The following TPH2 variants were observed in gnomAD, a reference collection of about 807,000 sequenced individuals.
The protein encoded by TPH2 is tryptophan 5-hydroxylase 2.
A neutral mutation model predicts 59.1 loss-of-function variants in TPH2; 27 were observed. The observed-to-expected ratio is 0.46, with a 90% confidence interval of 0.34 to 0.63. The LOEUF is 0.63. Ranked by LOEUF, TPH2 falls within the 30% of genes least tolerant of loss-of-function variation. The pLI is 0.01. For synonymous variants in TPH2, 220 were observed against 210.5 expected (o/e 1.05, Z -0.39); for missense variants, 523 against 588.3 (o/e 0.89, Z 1.15).
chr12:71,941,417 C>A, intron 1 of TPH2, 167 bp from the exon 2 acceptor site: 1 of 302,984 alleles, frequency 3.3e-6, no homozygotes, highest in Non-Finnish European at 4.8e-6. Context: ...TAAATTAGAC[C>A]AATATTTATG....
intron 10 of TPH2, 55 bp from the exon 11 acceptor site, chr12:72,031,466 C>T (rs1873719747): frequency 6.2e-7 from 1 of 1,612,678 alleles, no homozygotes; most frequent in Non-Finnish European, 8.5e-7. Flanking sequence ...TTTTATCTAT[C>T]CCTCGTACCA....
At chr12:71,965,952 A>G (rs1592390229) in intron 5 of TPH2, among the ~76,000 whole-genome samples, 2 of 152,302 alleles carry the variant, frequency 1.3e-5, no homozygotes, top group East Asian at 3.9e-4. Context: ...TGGGTTTTAC[A>G]TTTAGGTCTT....
intron 7 of TPH2, among the ~76,000 whole-genome samples, chr12:71,981,084 C>T (rs888137488): frequency 2.6e-5 from 4 of 152,072 alleles, no homozygotes; most frequent in Admixed American, 6.5e-5. Flanking sequence ...TTTCAGAGAA[C>T]GTATAACCTG....
chr12:72,015,473 C>T (rs1873218552), intron 8 of TPH2, among the ~76,000 whole-genome samples: 1 of 151,886 alleles, frequency 6.6e-6, no homozygotes, highest in Non-Finnish European at 1.5e-5. Flanking sequence ...GTGCCCACCA[C>T]CACGCCCAGC....
chr12:72,011,228 C>T (rs1873091614), intron 8 of TPH2, among the ~76,000 whole-genome samples: 1 of 152,178 alleles, frequency 6.6e-6, no homozygotes, highest in African/African-American at 2.4e-5. Context: ...CACTGAGGCT[C>T]ATGCACTATT....
chr12:71,979,285 C>A (rs1051300989), intron 7 of TPH2, among the ~76,000 whole-genome samples, 198 bp downstream of exon 7: 2 of 152,188 alleles, frequency 1.3e-5, no homozygotes, highest in African/African-American at 4.8e-5. Context: ...CCCTGATATT[C>A]CAGCTCTGGC....
At chr12:71,991,440 T>G (rs1872576993) in intron 7 of TPH2, among the ~76,000 whole-genome samples, 1 of 152,250 alleles carries the variant, frequency 6.6e-6, no homozygotes, top group Admixed American at 6.5e-5. Flanking sequence ...TTACTTTAGT[T>G]TCCGCTCACC....
At chr12:72,016,294 A>G (rs1486055365) in intron 8 of TPH2, among the ~76,000 whole-genome samples, 1 of 152,128 alleles carries the variant, frequency 6.6e-6, no homozygotes, top group Non-Finnish European at 1.5e-5. Flanking sequence ...TTCTTTAGTG[A>G]TAACGTCAAT....
In TPH2 at chr12:71,948,863, T is replaced by TCTCC. The variant is rs1209424311; in HGVS notation, c.541-725_541-724insCTCC. 8.8e-4 allele frequency among the ~76,000 whole-genome samples: 134 copies of TCTCC among 152,340 alleles called. 1 individual carries two copies. The highest frequency in any genetic ancestry group is 1.5e-3 in the Non-Finnish European group (101 of 68,022). On this transcript the variant is annotated intron_variant, in intron 4 of 10. Transcript: ENST00000333850. ...AAGTCTGTTGACAAGAGGAGAGATTTTTGGGTAAACCAAGAAGTCCTCTCT... is the reference window on the plus strand; with the variant it reads ...AAGTCTGTTGACAAGAGGAGAGATTTCTCCTTGGGTAAACCAAGAAGTCCTCTCT...
chr12:72,015,315 G>GTTTTTT (rs869231666), intron 8 of TPH2, among the ~76,000 whole-genome samples: 57 of 98,922 alleles, frequency 5.8e-4, no homozygotes, highest in South Asian at 1.1e-3. Context: ...TTTTTTGGTT[G>GTTTTTT]TTTTTTTTTT....
At chr12:72,015,480 C>T (rs1201391898) in intron 8 of TPH2, among the ~76,000 whole-genome samples, 1 of 151,856 alleles carries the variant, frequency 6.6e-6, no homozygotes, top group East Asian at 1.9e-4. Context: ...CCACCACGCC[C>T]AGCTAATTTT....
intron 6 of TPH2, among the ~76,000 whole-genome samples, chr12:71,973,244 T>TA (rs1489028845): frequency 6.6e-6 from 1 of 152,110 alleles, no homozygotes; most frequent in Non-Finnish European, 1.5e-5. Flanking sequence ...GGTAAGGCAT[T>TA]CTAAGTCACA....
chr12:71,996,609 G>C (rs1872699892), intron 8 of TPH2, among the ~76,000 whole-genome samples: 1 of 152,050 alleles, frequency 6.6e-6, no homozygotes, highest in Admixed American at 6.5e-5. Context: ...TCGCTCACTT[G>C]TCTGACCTTG....
intron 9 of TPH2, among the ~76,000 whole-genome samples, chr12:72,029,219 T>C (rs1334241799): frequency 6.6e-6 from 1 of 152,196 alleles, no homozygotes; most frequent in Admixed American, 6.5e-5. Flanking sequence ...GTCTTTAGCT[T>C]AGCAAGGATG....
chr12:72,004,533 CT>C (rs1392788933), intron 8 of TPH2, among the ~76,000 whole-genome samples: 1 of 152,160 alleles, frequency 6.6e-6, no homozygotes, highest in Non-Finnish European at 1.5e-5. Context: ...TTGCGGACTT[CT>C]TACTTTTTCT....
At chr12:71,973,206 T>A (rs565169140) in intron 6 of TPH2, among the ~76,000 whole-genome samples, 18 of 152,290 alleles carry the variant, frequency 1.2e-4, no homozygotes, top group African/African-American at 4.3e-4. Flanking sequence ...AGAATCAGGC[T>A]GAGACTTATT....
intron 8 of TPH2, among the ~76,000 whole-genome samples, chr12:72,021,840 G>A (rs1395663054): frequency 6.6e-6 from 1 of 152,030 alleles, no homozygotes; most frequent in African/African-American, 2.4e-5. Flanking sequence ...TTAATATTGT[G>A]GTTTTGGTAA....
chr12:71,999,808 A>T (rs1872778335), intron 8 of TPH2, among the ~76,000 whole-genome samples: 2 of 152,340 alleles, frequency 1.3e-5, no homozygotes, highest in East Asian at 3.9e-4. Context: ...CAAGGCTCTC[A>T]ATTCTCTGTC....
chr12:72,025,233 CT>C (rs1162175744), intron 9 of TPH2, among the ~76,000 whole-genome samples: 1 of 152,128 alleles, frequency 6.6e-6, no homozygotes, highest in African/African-American at 2.4e-5. Flanking sequence ...ATATTTTATG[CT>C]GTTCCAACTG....
Sources: allele counts gnomAD v4.1 joint callset (sites outside exome capture counted in the v4.1 genomes callset), GRCh38; gene constraint gnomAD v4.1.1; transcripts MANE v1.5; gene names NCBI Gene and HGNC (gene_info 2026-07-23, HGNC 2026-07-21).